TXNDC16: variants seen among roughly 807,000 people sequenced by gnomAD.
TXNDC16 encodes the protein thioredoxin domain-containing protein 16.
In TXNDC16, 74 loss-of-function variants were observed where a neutral mutation model predicts 85.6. The observed-to-expected ratio is 0.86, with a 90% CI of 0.72 to 1.05. The LOEUF (loss-of-function observed/expected upper bound fraction) is 1.05. Among genes scored for constraint, TXNDC16 ranks in the 50% least tolerant of loss-of-function variants. The pLI is 0.00. For missense variants in TXNDC16, 959 were observed against 947.0 expected (o/e 1.01, Z -0.17); for synonymous variants, 335 against 326.5 (o/e 1.03, Z -0.28).
At chr14:52,545,429 T>C (rs1261564018) in intron 1 of TXNDC16, among the ~76,000 whole-genome samples, 1 of 152,218 alleles carries the variant, frequency 6.6e-6, no homozygotes, top group African/African-American at 2.4e-5. Context: ...GTTTGTTCCA[T>C]CTATGGTAAG....
chr14:52,530,429 A>T (rs1454973210), intron 6 of TXNDC16, among the ~76,000 whole-genome samples: 3 of 17,994 alleles, frequency 1.7e-4, no homozygotes, highest in African/African-American at 6.0e-4. Flanking sequence ...TATTATATAT[A>T]ATAATATATA....
At chr14:52,460,435 T>C (rs1020571260) in intron 16 of TXNDC16, among the ~76,000 whole-genome samples, 1 of 152,144 alleles carries the variant, frequency 6.6e-6, no homozygotes, top group Admixed American at 6.5e-5. Context: ...ATTTCAAAAA[T>C]CGTATGAAAG....
At position 52,536,775 on chromosome 14, in the gene TXNDC16, T is replaced by G; in HGVS notation, c.336A>C (p.Arg112Ser). 1 of 1,611,584 alleles carries G rather than the reference T, an allele frequency of 6.2e-7. No individual in the cohort carries two copies. Among genetic ancestry groups the G allele is most frequent in the South Asian group, 1.1e-5 (1 of 90,658 alleles). ...AYLFKGNILLREFPTDTLFDV... is the reference protein window; with the variant it reads ...AYLFKGNILLSEFPTDTLFDV... ...CAAACAAGGTGTCAGTAGGGAATTC[T>G]CTGAGCAATATGTTGCCCCTATAAA... is the stretch of plus-strand genomic sequence containing the variant. Residue 112 changes from arginine (R) to serine (S), a missense_variant, in exon 6 of 21, where the codon AGA becomes AGC. Transcript: ENST00000281741.
intron 18 of TXNDC16, among the ~76,000 whole-genome samples, chr14:52,448,663 G>A (rs2035339067): frequency 1.3e-5 from 2 of 152,046 alleles, no homozygotes; most frequent in Admixed American, 6.5e-5. Flanking sequence ...ACTGTGCTGT[G>A]TAACCTACTC....
In TXNDC16 at chr14:52,514,875, C is replaced by T; in HGVS notation, c.605+5G>A. 1 of 1,588,546 alleles carries T rather than the reference C, an allele frequency of 6.3e-7. No homozygotes were observed. The highest frequency in any genetic ancestry group is 8.6e-7 in the Non-Finnish European group (1 of 1,167,540). On this transcript the variant is annotated splice_donor_5th_base_variant and intron_variant, in intron 8 of 20. Transcript: ENST00000281741. ...AAATTGTTGACATATGCTTTTTATA[C>T]ATACCCAATACTTTCCAAAAGGGCA...
At chr14:52,512,873 T>C (rs1278879252) in intron 8 of TXNDC16, among the ~76,000 whole-genome samples, 1 of 152,162 alleles carries the variant, frequency 6.6e-6, no homozygotes, top group East Asian at 1.9e-4. Context: ...GGGCAAAACA[T>C]TCCTGTGAGC....
chr14:52,544,480 C>T (rs143052062), intron 1 of TXNDC16, 109 bp from the exon 2 acceptor site: 17 of 152,122 alleles, frequency 1.1e-4, no homozygotes, highest in African/African-American at 4.1e-4. Flanking sequence ...CAGGACCCAT[C>T]TCTTTCAAAT....
intron 6 of TXNDC16, among the ~76,000 whole-genome samples, chr14:52,529,391 G>A (rs1322968155): frequency 1.3e-5 from 2 of 150,782 alleles, no homozygotes; most frequent in Non-Finnish European, 3.0e-5. Flanking sequence ...GTTAATGGGT[G>A]CAGCACATCA....
intron 18 of TXNDC16, among the ~76,000 whole-genome samples, chr14:52,442,297 G>C (rs1284312221): frequency 6.6e-6 from 1 of 152,124 alleles, no homozygotes; most frequent in African/African-American, 2.4e-5. Flanking sequence ...GTATCAGATA[G>C]ATAACCCCCA....
At chr14:52,504,803 A>G (rs1205859599) in intron 9 of TXNDC16, among the ~76,000 whole-genome samples, 1 of 152,306 alleles carries the variant, frequency 6.6e-6, no homozygotes, top group East Asian at 1.9e-4. Flanking sequence ...AAGACCCATC[A>G]GTGTGCTGTA....
At chr14:52,455,543 G>C in intron 17 of TXNDC16, 81 bp from the exon 18 acceptor site, 1 of 1,513,720 alleles carries the variant, frequency 6.6e-7, no homozygotes, top group South Asian at 1.2e-5. Context: ...GGAGGTCACA[G>C]TGTGAGGCAG....
chr14:52,523,750 T>C (rs1302234910), intron 6 of TXNDC16, among the ~76,000 whole-genome samples: 1 of 152,228 alleles, frequency 6.6e-6, no homozygotes, highest in Non-Finnish European at 1.5e-5. Context: ...AATAGCTTGC[T>C]TCTTATAAAA....
At chr14:52,505,992 C>T (rs1025249500) in intron 9 of TXNDC16, among the ~76,000 whole-genome samples, 15 of 152,252 alleles carry the variant, frequency 9.9e-5, no homozygotes, top group African/African-American at 3.6e-4. Flanking sequence ...ATAAATTCCT[C>T]GACACGTAGA....
At chr14:52,449,925 G>A (rs965062670) in intron 18 of TXNDC16, among the ~76,000 whole-genome samples, 3 of 151,632 alleles carry the variant, frequency 2.0e-5, no homozygotes, top group Non-Finnish European at 4.4e-5. Context: ...CAAACCCTTG[G>A]GATACACTGA....
chr14:52,536,376 T>C (rs544441875), intron 6 of TXNDC16, among the ~76,000 whole-genome samples: 4 of 152,298 alleles, frequency 2.6e-5, no homozygotes, highest in South Asian at 4.1e-4. Context: ...CCCAGTTTCA[T>C]TGTTGTTTAT....
chr14:52,549,960 T>G (rs1348621447), intron 1 of TXNDC16, among the ~76,000 whole-genome samples: 1 of 152,170 alleles, frequency 6.6e-6, no homozygotes, highest in South Asian at 2.1e-4. Flanking sequence ...TTTTAAATGT[T>G]TGAAAGACTA....
chr14:52,481,709 C>T (rs1490317768), intron 14 of TXNDC16, among the ~76,000 whole-genome samples: 1 of 152,090 alleles, frequency 6.6e-6, no homozygotes, highest in Admixed American at 6.6e-5. Flanking sequence ...AGTTAAAGTC[C>T]ATTCCTTGGA....
chr14:52,471,276 T>C (rs1175589364), intron 14 of TXNDC16, among the ~76,000 whole-genome samples: 2 of 152,344 alleles, frequency 1.3e-5, no homozygotes, highest in East Asian at 3.9e-4. Context: ...ATTTTTAATA[T>C]ATCTAATTAC....
intron 12 of TXNDC16, among the ~76,000 whole-genome samples, chr14:52,486,668 G>T (rs1410398517): frequency 6.6e-6 from 1 of 152,044 alleles, no homozygotes; most frequent in Non-Finnish European, 1.5e-5. Flanking sequence ...GTAAACGGGA[G>T]TGATACAGAG....
Sources: gnomAD v4.1 joint callset for allele counts (sites outside exome capture counted in the v4.1 genomes callset) on GRCh38, gnomAD v4.1.1 for gene constraint, MANE v1.5 for transcripts, NCBI Gene and HGNC (gene_info 2026-07-23, HGNC 2026-07-21) for gene names.